RIPOR3: variants seen among roughly 807,000 people sequenced by gnomAD.
RIPOR3 encodes family with sequence similarity 65 member C.
RIPOR3 carries 95 observed loss-of-function variants against 114.3 expected under a neutral mutation model. The ratio of observed to expected loss-of-function variants is 0.83; its 90% CI spans 0.70 to 0.99. The LOEUF (loss-of-function observed/expected upper bound fraction) is 0.99, where lower values mean the gene tolerates loss of function less well. Among genes scored for constraint, RIPOR3 ranks in the 50% least tolerant of loss-of-function variants. The pLI, the probability that RIPOR3 is intolerant of heterozygous loss-of-function variation, is 0.00. For synonymous variants in RIPOR3, 575 were observed against 543.8 expected (o/e 1.06, Z -0.80); for missense variants, 1,252 against 1,266.9 (o/e 0.99, Z 0.18).
chr20:50,607,523 G>A lies in RIPOR3; in HGVS notation c.956+866C>T, dbSNP rs373167276. ...GGCCTAGAGCTCAGAGGCTCTGCAA[G>A]TGCCCACTTCTCTGCCCAGGGTGTC... is the stretch of plus-strand genomic sequence containing the variant. On this transcript the variant is annotated intron_variant, in intron 11 of 21. Coordinates refer to ENST00000327979, the MANE Select transcript of RIPOR3 (RefSeq NM_001290268.2). Among the ~76,000 whole-genome samples the A allele has an allele frequency of 3.3e-5, 5 of 152,198 alleles. No homozygotes were observed. The South Asian group carries it at 1.0e-3, about 31-fold the overall frequency.
intron 1 of RIPOR3, among the ~76,000 whole-genome samples, chr20:50,659,647 CAAAAA>C (rs558386174): frequency 2.6e-5 from 2 of 78,164 alleles, no homozygotes; most frequent in African/African-American, 8.9e-5. Context: ...AACTCCGTCT[CAAAAA>C]AAAAAAAAAA....
rs113401017 is a variant in RIPOR3 at position 50,664,678 on chromosome 20, G to A, written c.3+26448C>T. Among the ~76,000 whole-genome samples, 255 of 152,300 alleles carry A rather than the reference G, an allele frequency of 1.7e-3. 2 individuals are homozygous for A. Among genetic ancestry groups the A allele is most frequent in the African/African-American group, 5.8e-3 (241 of 41,574 alleles). The stretch of plus-strand genomic sequence containing the variant: ...AGGAATTGCAAAGAGTTTCAGCTCA[G>A]GTTCCAACGCCAAGGTGGGAGATAT... On this transcript the variant is annotated intron_variant, in intron 1 of 21. Coordinates refer to ENST00000327979, the MANE Select transcript of RIPOR3 (RefSeq NM_001290268.2).
intron 19 of RIPOR3, among the ~76,000 whole-genome samples, chr20:50,591,557 G>A (rs2083108495): frequency 6.6e-6 from 1 of 152,280 alleles, no homozygotes; most frequent in East Asian, 1.9e-4. Flanking sequence ...TCCAAGAAGG[G>A]CTATTGGCAA....
intron 2 of RIPOR3, 26 bp from the exon 3 acceptor site, chr20:50,620,158 G>A (rs757082724): frequency 6.2e-7 from 1 of 1,609,086 alleles, no homozygotes; most frequent in Non-Finnish European, 8.5e-7. Context: ...GAGGGCAAGA[G>A]AAGTCAGAGA....
At chr20:50,604,614 C>CAG (rs753883740) in intron 12 of RIPOR3, 31 bp downstream of exon 12, 6 of 1,589,218 alleles carry the variant, frequency 3.8e-6, no homozygotes, top group Non-Finnish European at 5.1e-6. Context: ...AGGGTGACCA[C>CAG]AGCGGCCCTG....
At chr20:50,668,796 GCAGTGAGCCAAGAT>G (rs1191638040) in intron 1 of RIPOR3, among the ~76,000 whole-genome samples, 2 of 151,968 alleles carry the variant, frequency 1.3e-5, no homozygotes, top group African/African-American at 4.8e-5. Context: ...GGCAGAGGTT[GCAGTGAGCCAAGAT>G]CAAGCCACTG....
rs1488160780 is a variant in RIPOR3 at position 50,620,137 on chromosome 20, G to C, written c.123-5C>G. The C allele has an allele frequency of 2.0e-5, 32 of 1,613,474 alleles. No individual in the cohort carries two copies. The highest frequency in any genetic ancestry group is 2.7e-5 in the Non-Finnish European group (32 of 1,179,914). On this transcript the variant is annotated splice_region_variant and splice_polypyrimidine_tract_variant and intron_variant, in intron 2 of 21. Transcript: ENST00000327979. ...GAGTTCCTGTTGATGGACTTTCTGT[G>C]AGAAGGGTTGGAGGGCAAGAGAAGT...
At chr20:50,684,925 GC>G (rs2086965541) in intron 1 of RIPOR3, among the ~76,000 whole-genome samples, 1 of 152,180 alleles carries the variant, frequency 6.6e-6, no homozygotes, top group African/African-American at 2.4e-5. Context: ...ACAGGTGCAT[GC>G]AACCACACCC....
chr20:50,684,222 C>T (rs758213786), intron 1 of RIPOR3, among the ~76,000 whole-genome samples: 5 of 151,976 alleles, frequency 3.3e-5, no homozygotes, highest in Non-Finnish European at 7.4e-5. Context: ...TGAAGAAGAC[C>T]AGGGAGTGAA....
chr20:50,642,180 C>T (rs1389722039), intron 1 of RIPOR3, among the ~76,000 whole-genome samples: 5 of 152,062 alleles, frequency 3.3e-5, no homozygotes, highest in Admixed American at 3.3e-4. Context: ...TTAGGTTTAC[C>T]GGCTTCCCAA....
Position 50,596,476 on chromosome 20 carries a change from C to T in RIPOR3, c.1791-213G>A, listed in dbSNP as rs149518874. 1.8e-3 allele frequency among the ~76,000 whole-genome samples: 277 copies of T among 152,256 alleles called. 1 individual carries two copies. Among genetic ancestry groups the T allele is most frequent in the Non-Finnish European group, 2.8e-3 (188 of 68,004 alleles). ...GGCCAAGGGCCTGGGGAAGGCAGGG[C>T]GGGCAGTCGTCTTCCAGGATGTCTC... is the stretch of plus-strand genomic sequence containing the variant. On this transcript the variant is annotated intron_variant, in intron 14 of 21. Coordinates refer to ENST00000327979, the MANE Select transcript of RIPOR3 (RefSeq NM_001290268.2).
At chr20:50,604,268 T>C (rs1281622679) in intron 12 of RIPOR3, among the ~76,000 whole-genome samples, 2 of 151,940 alleles carry the variant, frequency 1.3e-5, no homozygotes, top group Admixed American at 6.6e-5. Context: ...TGGAAGAAAC[T>C]GATGACAGGA....
intron 4 of RIPOR3, among the ~76,000 whole-genome samples, chr20:50,615,380 C>A (rs1169963081): frequency 6.6e-6 from 1 of 151,822 alleles, no homozygotes; most frequent in Non-Finnish European, 1.5e-5. Context: ...AAAAAATTAG[C>A]TGGGCATGGT....
intron 2 of RIPOR3, among the ~76,000 whole-genome samples, chr20:50,624,977 T>A (rs2123202110): frequency 6.6e-6 from 1 of 152,244 alleles, no homozygotes; most frequent in African/African-American, 2.4e-5. Context: ...AGCCAACCAT[T>A]TACCCAGGTG....
At position 50,596,163 on chromosome 20, in the gene RIPOR3, G is replaced by A. The variant is rs2122910603; in HGVS notation, c.1891C>T (p.Gln631Ter). ...ACCTGCAGCAGAGCTTTGCAGACTT[G>A]GAGGTGTACCATCAGCAGCACGTCC... ...ELDVLLMVHL[Q>*]VCKALLQKLA... is the part of the protein sequence containing the mutation. The change falls in exon 15 of 22, where the codon CAA (glutamine) becomes TAA (stop). Residue 631 changes from glutamine to a stop codon, truncating the protein, a stop_gained. Coordinates refer to ENST00000327979, the MANE Select transcript of RIPOR3 (RefSeq NM_001290268.2). LOFTEE classifies it high-confidence loss of function. The A allele has an allele frequency of 1.9e-6, 3 of 1,614,186 alleles. No homozygotes were observed. The South Asian group carries it at 3.3e-5, about 18-fold the overall frequency.
chr20:50,616,558 G>T lies in RIPOR3; in HGVS notation c.270-478C>A, dbSNP rs184376893. Among the ~76,000 whole-genome samples the T allele has an allele frequency of 4.6e-5, 7 of 152,202 alleles. No homozygotes were observed. The East Asian group carries it at 1.4e-3, about 29-fold the overall frequency. On this transcript the variant is annotated intron_variant, in intron 3 of 21. Coordinates refer to ENST00000327979, the MANE Select transcript of RIPOR3 (RefSeq NM_001290268.2). ...GGGTTTCACTATGTTGGCCAGGCTG[G>T]TCTCGAACTCCTTGACCTCAGGTGA... is the stretch of plus-strand genomic sequence containing the variant.
Position 50,602,312 on chromosome 20 carries a change from C to G in RIPOR3, c.1419G>C (p.Trp473Cys). The change falls in exon 13 of 22, where the codon TGG becomes TGC. Residue 473 changes from tryptophan (W) to cysteine (C), a missense_variant. Coordinates refer to ENST00000327979, the MANE Select transcript of RIPOR3 (RefSeq NM_001290268.2). The surrounding 1 kb of genome is among the most constrained non-coding windows in gnomAD (Gnocchi z 4.3). The stretch of plus-strand genomic sequence containing the variant: ...TGGGGCTCTCCCCTCCTAAGTTCCT[C>G]CAGCCAGGCTGCTCTGCAAACGGGC... ...SGGPFAEQPG[W>C]RNLGGESPSL... 1.2e-6 allele frequency: 2 copies of G among 1,613,910 alleles called. No homozygotes were observed. The highest frequency in any genetic ancestry group is 4.5e-5 in the East Asian group (2 of 44,884).
intron 1 of RIPOR3, among the ~76,000 whole-genome samples, chr20:50,665,286 A>C (rs2086145828): frequency 1.3e-5 from 2 of 150,582 alleles, no homozygotes; most frequent in African/African-American, 4.9e-5. Context: ...AAAATACCAA[A>C]AAAAAAAAAA....
At chr20:50,665,165 G>A (rs1002763325) in intron 1 of RIPOR3, among the ~76,000 whole-genome samples, 10 of 152,030 alleles carry the variant, frequency 6.6e-5, no homozygotes, top group South Asian at 6.2e-4. Flanking sequence ...GGCCGGGTGC[G>A]GTGGCTCACG....
Sources: allele counts gnomAD v4.1 joint callset (sites outside exome capture counted in the v4.1 genomes callset), GRCh38; gene constraint gnomAD v4.1.1; non-coding constraint Gnocchi (gnomAD v3.1); transcripts MANE v1.5; gene names NCBI Gene and HGNC (gene_info 2026-07-23, HGNC 2026-07-21).